The following MROH2B variants were observed in gnomAD, a reference collection of about 807,000 sequenced individuals.
The protein encoded by MROH2B is maestro heat like repeat family member 2B.
In MROH2B, 177 loss-of-function variants were observed where a neutral mutation model predicts 208.6. That is an observed-to-expected ratio of 0.85 (90% CI 0.75 to 0.96). The LOEUF is 0.96. Ranked by LOEUF, MROH2B falls within the 40% of genes least tolerant of loss-of-function variation. The pLI is 0.00. For missense variants in MROH2B, 2,002 were observed against 1,878.7 expected (o/e 1.07, Z -1.21); for synonymous variants, 728 against 659.0 (o/e 1.10, Z -1.60).
At chr5:41,005,009 G>A (rs2111806441) in intron 35 of MROH2B, 89 bp from the exon 36 acceptor site, 2 of 1,496,780 alleles carry the variant, frequency 1.3e-6, no homozygotes, top group Non-Finnish European at 1.8e-6. Flanking sequence ...TACAATTAAA[G>A]AGAGGACCCC....
chr5:41,036,929 G>GT (rs1742784844), intron 21 of MROH2B, among the ~76,000 whole-genome samples: 1 of 152,068 alleles, frequency 6.6e-6, no homozygotes, highest in Admixed American at 6.6e-5. Context: ...TCCTCTTTAT[G>GT]TTTTTACCTA....
At chr5:41,019,217 C>A (rs1742062357) in intron 24 of MROH2B, among the ~76,000 whole-genome samples, 199 bp from the exon 25 acceptor site, 1 of 152,182 alleles carries the variant, frequency 6.6e-6, no homozygotes, top group South Asian at 2.1e-4. Context: ...GGTGAGCATA[C>A]TCAATACGCC....
intron 18 of MROH2B, among the ~76,000 whole-genome samples, chr5:41,042,498 A>AT (rs1742986900): frequency 6.6e-6 from 1 of 152,160 alleles, no homozygotes; most frequent in Non-Finnish European, 1.5e-5. Context: ...ATTTGGGTTC[A>AT]TTGTAGCAGA....
At chr5:41,048,125 A>G (rs1743178323) in intron 16 of MROH2B, 199 bp downstream of exon 16, 1 of 566,446 alleles carries the variant, frequency 1.8e-6, no homozygotes, top group South Asian at 3.8e-5. Flanking sequence ...GTTACCTACT[A>G]GGTCTTCTTG....
At position 41,005,413 on chromosome 5, in the gene MROH2B, A is replaced by AGC. The variant is rs35848875; in HGVS notation, c.3864+117_3864+118insGC. The AGC allele has an allele frequency of 5.4e-3, 1,095 of 204,552 alleles. 198 individuals are homozygous for AGC. The highest frequency in any genetic ancestry group is 3.0e-3 in the Non-Finnish European group (303 of 101,480). The allele number at this position is 204,552 out of a possible 1,614,324, so 12.7% of individuals were successfully genotyped here. ...CAGTAGCTGGTCTCTCCTCTATGAA[A>AGC]CCCCCCCCCCCCTTGAAGTCTCTCT... is the stretch of plus-strand genomic sequence containing the variant. On this transcript the variant is annotated intron_variant, in intron 35 of 41. Coordinates refer to ENST00000399564, the MANE Select transcript of MROH2B (RefSeq NM_173489.5).
chr5:41,008,566 T>A, intron 33 of MROH2B, 40 bp downstream of exon 33: 1 of 1,604,960 alleles, frequency 6.2e-7, no homozygotes, highest in Non-Finnish European at 8.5e-7. Flanking sequence ...AGTCTGGGAT[T>A]AGGACCACTG....
intron 24 of MROH2B, among the ~76,000 whole-genome samples, chr5:41,028,722 C>T (rs1742464719): frequency 1.3e-5 from 2 of 152,000 alleles, no homozygotes; most frequent in Admixed American, 1.3e-4. Flanking sequence ...TGACAGACAC[C>T]TAGGTTGTTT....
Position 41,070,948 on chromosome 5 carries a change from T to C in MROH2B, c.-96A>G. ...GAGGCAGGTTGGCAAGTTTCTCATA[T>C]AAGGTTCACATAAGCCTCTCTAAAT... On this transcript the variant is annotated 5_prime_UTR_variant, in exon 1 of 42. Coordinates refer to ENST00000399564, the MANE Select transcript of MROH2B (RefSeq NM_173489.5). 1.6e-6 allele frequency: 2 copies of C among 1,261,308 alleles called. No homozygotes were observed. Among genetic ancestry groups the C allele is most frequent in the Non-Finnish European group, 1.1e-6 (1 of 882,164 alleles). 78.1% of individuals were successfully genotyped at this position (1,261,308 alleles called of 1,614,324 possible). A position where few individuals can be genotyped will look rare whatever the true frequency, so the allele number is the denominator to read the frequency against.
chr5:41,009,116 C>G (rs1245451012), intron 32 of MROH2B, among the ~76,000 whole-genome samples, 164 bp downstream of exon 32: 4 of 152,084 alleles, frequency 2.6e-5, no homozygotes, highest in Non-Finnish European at 5.9e-5. Flanking sequence ...TAAAAATGAT[C>G]AGCCACAGAC....
At chr5:41,028,799 T>A (rs1015511552) in intron 24 of MROH2B, among the ~76,000 whole-genome samples, 1 of 152,180 alleles carries the variant, frequency 6.6e-6, no homozygotes, top group Non-Finnish European at 1.5e-5. Context: ...AAAATTTTTT[T>A]AATTTAAAAA....
intron 24 of MROH2B, among the ~76,000 whole-genome samples, chr5:41,029,442 A>C (rs1004379107): frequency 1.3e-5 from 2 of 152,066 alleles, no homozygotes; most frequent in Non-Finnish European, 2.9e-5. Context: ...TTTGTTGACT[A>C]TTCCCTTTGT....
chr5:41,003,076 T>G (rs1265160953), intron 37 of MROH2B, among the ~76,000 whole-genome samples: 3 of 151,690 alleles, frequency 2.0e-5, no homozygotes, highest in African/African-American at 7.3e-5. Flanking sequence ...TTATCCTGTC[T>G]CAGTCTCCCT....
chr5:41,056,933 C>T (rs1393773308), intron 9 of MROH2B, 176 bp downstream of exon 9: 4 of 673,924 alleles, frequency 5.9e-6, no homozygotes, highest in Non-Finnish European at 7.7e-6. Flanking sequence ...CCGTCCTGCT[C>T]CTCCTGGGAA....
At chr5:41,009,486 A>G in intron 31 of MROH2B, 80 bp from the exon 32 acceptor site, 1 of 1,532,916 alleles carries the variant, frequency 6.5e-7, no homozygotes, top group Non-Finnish European at 8.8e-7. Context: ...TCACTCTAAA[A>G]TCACATTATG....
intron 37 of MROH2B, 73 bp from the exon 38 acceptor site, chr5:41,000,906 C>A: frequency 1.4e-6 from 2 of 1,478,748 alleles, no homozygotes; most frequent in Non-Finnish European, 1.8e-6. Context: ...TCTTGGCTCT[C>A]ATCCCACCCT....
At chr5:41,021,626 C>T (rs1475258606) in intron 24 of MROH2B, among the ~76,000 whole-genome samples, 1 of 152,016 alleles carries the variant, frequency 6.6e-6, no homozygotes, top group Non-Finnish European at 1.5e-5. Context: ...ACCTGTAATC[C>T]CAGCATTTTG....
intron 3 of MROH2B, among the ~76,000 whole-genome samples, chr5:41,066,295 C>T (rs1024684608): frequency 3.3e-5 from 5 of 151,966 alleles, no homozygotes; most frequent in Non-Finnish European, 7.4e-5. Context: ...TACAAAGGAC[C>T]CAGATAAGAT....
At chr5:41,058,033 G>T in intron 7 of MROH2B, 30 bp downstream of exon 7, 1 of 1,469,822 alleles carries the variant, frequency 6.8e-7, no homozygotes, top group East Asian at 2.6e-5. Flanking sequence ...CGGGTTCTCT[G>T]ATTCAGTTCC....
chr5:41,062,435 C>T (rs1743670737), intron 5 of MROH2B, among the ~76,000 whole-genome samples: 1 of 152,146 alleles, frequency 6.6e-6, no homozygotes, highest in African/African-American at 2.4e-5. Flanking sequence ...ACATGGGCAA[C>T]TTCACTTTGA....
Sources: allele counts gnomAD v4.1 joint callset (sites outside exome capture counted in the v4.1 genomes callset), GRCh38; gene constraint gnomAD v4.1.1; transcripts MANE v1.5; gene names NCBI Gene and HGNC (gene_info 2026-07-23, HGNC 2026-07-21).